DDX1: variants seen among roughly 807,000 people sequenced by gnomAD.
DDX1 encodes DEAD-box helicase 1.
DDX1 carries 28 observed loss-of-function variants against 108.7 expected under a neutral mutation model. That is an observed-to-expected ratio of 0.26 (90% confidence interval 0.19 to 0.35). The LOEUF (loss-of-function observed/expected upper bound fraction) is 0.35. DDX1 is among the 10% of genes least tolerant of loss of function. The probability of loss-of-function intolerance (pLI) is 1.00; values close to 1 mark genes in which losing one functional copy is unlikely to be tolerated. For missense variants in DDX1, 710 were observed against 884.5 expected (o/e 0.80, Z 2.50); for synonymous variants, 295 against 288.9 (o/e 1.02, Z -0.21).
intron 14 of DDX1, among the ~76,000 whole-genome samples, chr2:15,616,062 T>TTGTG (rs58811920): frequency 0.02 from 2,985 of 148,956 alleles, 41 homozygotes; most frequent in South Asian, 0.042. Flanking sequence ...CCGGCTAATT[T>TTGTG]TGTGTGTGTG....
At chr2:15,593,680 A>T (rs1195545544) in intron 1 of DDX1, among the ~76,000 whole-genome samples, 1 of 152,180 alleles carries the variant, frequency 6.6e-6, no homozygotes, top group Non-Finnish European at 1.5e-5. Context: ...AGGAGAGAGA[A>T]CATAGACTGT....
intron 15 of DDX1, 120 bp from the exon 16 acceptor site, chr2:15,618,061 G>T: frequency 1.8e-6 from 1 of 549,018 alleles, no homozygotes; most frequent in Non-Finnish European, 3.4e-6. Flanking sequence ...CTATGTATAT[G>T]CATGAATTAG....
intron 14 of DDX1, among the ~76,000 whole-genome samples, chr2:15,613,926 T>G (rs1665847365): frequency 6.7e-6 from 1 of 149,692 alleles, no homozygotes; most frequent in Non-Finnish European, 1.5e-5. Context: ...AACCTCTGCC[T>G]CTTGGGTTCA....
chr2:15,620,845 T>C (rs545538771), intron 17 of DDX1, among the ~76,000 whole-genome samples: 73 of 152,288 alleles, frequency 4.8e-4, no homozygotes, highest in African/African-American at 1.7e-3. Context: ...AACCACATTT[T>C]CATTATTATT....
At chr2:15,612,378 G>A (rs1483575776) in intron 13 of DDX1, among the ~76,000 whole-genome samples, 5 of 151,940 alleles carry the variant, frequency 3.3e-5, no homozygotes, top group Non-Finnish European at 7.4e-5. Context: ...GGGCAGCTGG[G>A]CAGAGACGCT....
chr2:15,614,233 C>T (rs1665855827), intron 14 of DDX1, among the ~76,000 whole-genome samples: 1 of 152,132 alleles, frequency 6.6e-6, no homozygotes, highest in African/African-American at 2.4e-5. Flanking sequence ...TATTTCCTTT[C>T]CTAAATATTT....
At chr2:15,604,558 A>C (rs201142106) in intron 10 of DDX1, 49 bp downstream of exon 10, 19 of 1,279,282 alleles carry the variant, frequency 1.5e-5, no homozygotes. Context: ...GATATTCAAT[A>C]ATTGTGGTTT....
chr2:15,626,999 A>C, intron 19 of DDX1, 55 bp from the exon 20 acceptor site: 1 of 1,159,426 alleles, frequency 8.6e-7, no homozygotes, highest in Non-Finnish European at 1.2e-6. Flanking sequence ...GCTTTTTTAC[A>C]TAGTCTTAGG....
intron 16 of DDX1, 140 bp downstream of exon 16, chr2:15,618,410 A>G (rs1357548643): frequency 2.0e-5 from 11 of 561,112 alleles, no homozygotes; most frequent in East Asian, 8.2e-5. Flanking sequence ...GCTCAGTTCC[A>G]CCCACTTGGC....
rs548481794 is a variant in DDX1, at chr2:15,602,740, C to A, written c.391+109C>A. 1.4e-5 allele frequency: 12 copies of A among 839,222 alleles called. 1 individual carries two copies. The South Asian group carries it at 1.9e-4, about 13-fold the overall frequency. 52.0% of individuals were successfully genotyped at this position (839,222 alleles called of 1,614,324 possible). On this transcript the variant is annotated intron_variant, in intron 7 of 25. Coordinates refer to ENST00000233084, the MANE Select transcript of DDX1 (RefSeq NM_004939.3). ...TTTTGAGATGGAGTCTCGCACGTCG[C>A]CCGGGCTGGAGGGCCCGGGCTGGAG...
At chr2:15,619,652 G>A (rs1665959665) in intron 16 of DDX1, among the ~76,000 whole-genome samples, 1 of 152,200 alleles carries the variant, frequency 6.6e-6, no homozygotes, top group Non-Finnish European at 1.5e-5. Context: ...GGACGAAATA[G>A]TATACTCAAA....
chr2:15,617,190 G>T, intron 14 of DDX1, 54 bp from the exon 15 acceptor site: 1 of 837,146 alleles, frequency 1.2e-6, no homozygotes, highest in South Asian at 2.3e-5. Context: ...CTATTTTAAC[G>T]TAATTATACT....
At position 15,599,545 on chromosome 2, in the gene DDX1, T is replaced by C. The variant is rs1017720415; in HGVS notation, c.260-124T>C. Reference sequence around the variant, plus strand: ...CCAGGCTGGTCTTGAACTCCTGACCTCAAGTGAACCACCCACGTCAGCTTC... The same window carrying C: ...CCAGGCTGGTCTTGAACTCCTGACCCCAAGTGAACCACCCACGTCAGCTTC... On this transcript the variant is annotated intron_variant, in intron 5 of 25. Coordinates refer to ENST00000233084, the MANE Select transcript of DDX1 (RefSeq NM_004939.3). The C allele has an allele frequency of 9.0e-6, 5 of 558,108 alleles. No homozygotes were observed. The Admixed American group carries it at 1.7e-4, about 19-fold the overall frequency. 34.6% of individuals were successfully genotyped at this position (558,108 alleles called of 1,614,324 possible).
chr2:15,617,790 G>GT (rs1244798204), intron 15 of DDX1, among the ~76,000 whole-genome samples: 6 of 152,184 alleles, frequency 3.9e-5, no homozygotes, highest in Admixed American at 3.9e-4. Context: ...ACATAAATGT[G>GT]TTTGAGTCTC....
At chr2:15,614,353 C>T (rs1205586627) in intron 14 of DDX1, among the ~76,000 whole-genome samples, 1 of 152,176 alleles carries the variant, frequency 6.6e-6, no homozygotes, top group Non-Finnish European at 1.5e-5. Context: ...ACAGACTTTA[C>T]ATTTGACCTG....
At chr2:15,627,447 C>A (rs1479044032) in intron 20 of DDX1, 4 of 221,936 alleles carry the variant, frequency 1.8e-5, no homozygotes, top group African/African-American at 7.0e-5. Flanking sequence ...TAAGCCATGT[C>A]TATGTGCCTT....
intron 12 of DDX1, among the ~76,000 whole-genome samples, chr2:15,606,606 CAACCTAACG>C (rs916608399): frequency 1.5e-4 from 23 of 152,222 alleles, no homozygotes; most frequent in African/African-American, 5.3e-4. Flanking sequence ...ATTTTACAGA[CAACCTAACG>C]AATAGGGACT....
intron 19 of DDX1, among the ~76,000 whole-genome samples, chr2:15,626,058 C>T (rs553952716): frequency 2.0e-5 from 3 of 152,010 alleles, no homozygotes; most frequent in Admixed American, 6.6e-5. Context: ...TTTGATGCTC[C>T]TTCCCTAAAT....
intron 13 of DDX1, among the ~76,000 whole-genome samples, chr2:15,610,836 CT>C (rs1461013934): frequency 6.6e-6 from 1 of 151,280 alleles, no homozygotes; most frequent in Non-Finnish European, 1.5e-5. Context: ...GATTTAACTG[CT>C]TTGTTTCCCA....
Sources: allele counts gnomAD v4.1 joint callset (sites outside exome capture counted in the v4.1 genomes callset), GRCh38; gene constraint gnomAD v4.1.1; transcripts MANE v1.5; gene names NCBI Gene and HGNC (gene_info 2026-07-23, HGNC 2026-07-21).